TMEM132D: variants seen among roughly 807,000 people sequenced by gnomAD.
The protein encoded by TMEM132D is transmembrane protein 132D.
In TMEM132D, 21 loss-of-function variants were observed where a neutral mutation model predicts 62.3. That is an observed-to-expected ratio of 0.34 (90% CI 0.24 to 0.49). The LOEUF is 0.49. Ranked by LOEUF, TMEM132D falls within the 20% of genes least tolerant of loss-of-function variation. The probability of loss-of-function intolerance (pLI) is 0.99; values close to 1 mark genes in which losing one functional copy is unlikely to be tolerated. For synonymous variants in TMEM132D, 621 were observed against 575.6 expected, an observed-to-expected ratio of 1.08 and a Z score of -1.13; for missense variants, 1,346 against 1,402.8, an observed-to-expected ratio of 0.96 and a Z score of 0.65.
At chr12:129,324,689 A>C (rs1475692341) in intron 4 of TMEM132D, among the ~76,000 whole-genome samples, 2 of 152,082 alleles carry the variant, frequency 1.3e-5, no homozygotes, top group Admixed American at 1.3e-4. Context: ...AATTAGCCAG[A>C]CATAGTGGCG....
At chr12:129,501,758 G>A (rs933305175) in intron 3 of TMEM132D, among the ~76,000 whole-genome samples, 6 of 151,956 alleles carry the variant, frequency 3.9e-5, no homozygotes, top group Non-Finnish European at 8.8e-5. Flanking sequence ...CGCTCACCTC[G>A]GCCTCCTAAA....
At chr12:129,121,695 T>A (rs1876069547) in intron 5 of TMEM132D, among the ~76,000 whole-genome samples, 1 of 151,974 alleles carries the variant, frequency 6.6e-6, no homozygotes, top group African/African-American at 2.4e-5. Flanking sequence ...ACCAATACAG[T>A]ACTACACTAC....
chr12:129,881,567 T>C (rs1874596479), intron 1 of TMEM132D, among the ~76,000 whole-genome samples: 1 of 151,882 alleles, frequency 6.6e-6, no homozygotes, highest in Non-Finnish European at 1.5e-5. Context: ...CCCCCAAACA[T>C]CTGAAAATTT....
At chr12:129,555,676 C>T (rs1217727771) in intron 2 of TMEM132D, among the ~76,000 whole-genome samples, 1 of 152,088 alleles carries the variant, frequency 6.6e-6, no homozygotes, top group Non-Finnish European at 1.5e-5. Flanking sequence ...TTTTAAAGTT[C>T]TTAATGGGAC....
chr12:129,314,005 C>T (rs1307403616), intron 4 of TMEM132D, among the ~76,000 whole-genome samples: 3 of 152,136 alleles, frequency 2.0e-5, no homozygotes, highest in Admixed American at 6.5e-5. Context: ...ATTTGTATAT[C>T]TTCTTTTGAG....
intron 1 of TMEM132D, among the ~76,000 whole-genome samples, chr12:129,849,837 CAAT>C (rs997293359): frequency 6.6e-6 from 1 of 152,148 alleles, no homozygotes; most frequent in African/African-American, 2.4e-5. Context: ...TCAGATTAAA[CAAT>C]AATAAATACC....
intron 5 of TMEM132D, among the ~76,000 whole-genome samples, chr12:129,103,389 G>GC (rs1308320388): frequency 2.0e-5 from 3 of 152,200 alleles, no homozygotes; most frequent in African/African-American, 7.2e-5. Flanking sequence ...GCCAGCCCAT[G>GC]CCCCCACCTC....
chr12:129,350,853 CT>C (rs560247574), intron 3 of TMEM132D, among the ~76,000 whole-genome samples: 68 of 152,278 alleles, frequency 4.5e-4, no homozygotes, highest in African/African-American at 1.6e-3. Context: ...AAGAAGGCAC[CT>C]TTTTAACCTA....
intron 3 of TMEM132D, among the ~76,000 whole-genome samples, chr12:129,382,968 CTGTT>C (rs1255254292): frequency 6.6e-6 from 1 of 152,160 alleles, no homozygotes; most frequent in Non-Finnish European, 1.5e-5. Context: ...ATAACCCACT[CTGTT>C]TGTGGAAAAA....
chr12:129,418,054 T>G (rs1261520939), intron 3 of TMEM132D, among the ~76,000 whole-genome samples: 1 of 152,194 alleles, frequency 6.6e-6, no homozygotes, highest in Non-Finnish European at 1.5e-5. Flanking sequence ...AAACAACAGA[T>G]GCTGGAGAGG....
At chr12:129,556,661 C>T (rs996071095) in intron 2 of TMEM132D, among the ~76,000 whole-genome samples, 2 of 152,176 alleles carry the variant, frequency 1.3e-5, no homozygotes, top group African/African-American at 4.8e-5. Flanking sequence ...ACCTTATTTG[C>T]ATACATCTGG....
At chr12:129,648,267 TCCA>T (rs1372261502) in intron 2 of TMEM132D, among the ~76,000 whole-genome samples, 1 of 152,096 alleles carries the variant, frequency 6.6e-6, no homozygotes, top group Non-Finnish European at 1.5e-5. Flanking sequence ...TCCTGTGACC[TCCA>T]CCCAGGAGCT....
At chr12:129,520,341 C>A (rs1875813643) in intron 3 of TMEM132D, among the ~76,000 whole-genome samples, 1 of 152,140 alleles carries the variant, frequency 6.6e-6, no homozygotes, top group African/African-American at 2.4e-5. Flanking sequence ...TAAGACCTCC[C>A]AACTATCTGT....
intron 3 of TMEM132D, among the ~76,000 whole-genome samples, chr12:129,361,477 A>G (rs796328627): frequency 2.0e-5 from 3 of 152,314 alleles, no homozygotes; most frequent in African/African-American, 7.2e-5. Flanking sequence ...GGGCAAATGG[A>G]GAAACTGCAG....
At chr12:129,155,913 C>T (rs571083729) in intron 5 of TMEM132D, among the ~76,000 whole-genome samples, 1 of 152,130 alleles carries the variant, frequency 6.6e-6, no homozygotes, top group Non-Finnish European at 1.5e-5. Context: ...AGATAACTGA[C>T]ATACTCCCAA....
chr12:129,891,777 T>C (rs1476815951), intron 1 of TMEM132D, among the ~76,000 whole-genome samples: 1 of 152,208 alleles, frequency 6.6e-6, no homozygotes, highest in Admixed American at 6.5e-5. Flanking sequence ...TTTATACTCA[T>C]AATACATTTT....
chr12:129,366,202 T>C (rs1474318716), intron 3 of TMEM132D, among the ~76,000 whole-genome samples: 2 of 152,232 alleles, frequency 1.3e-5, no homozygotes, highest in African/African-American at 4.8e-5. Flanking sequence ...CCCTGTGTTA[T>C]TGTTTGGTCT....
chr12:129,618,872 T>C (rs1478246026), intron 2 of TMEM132D, among the ~76,000 whole-genome samples: 5 of 152,178 alleles, frequency 3.3e-5, no homozygotes, highest in African/African-American at 9.7e-5. Context: ...CATCAATCTC[T>C]ACATGTAAGA....
At chr12:129,271,202 A>AAATAAG (rs1156629336) in intron 4 of TMEM132D, among the ~76,000 whole-genome samples, 1 of 149,264 alleles carries the variant, frequency 6.7e-6, no homozygotes, top group Non-Finnish European at 1.5e-5. Context: ...TTAGGAAAAA[A>AAATAAG]AATAAGACAC....
Sources: gnomAD v4.1 joint callset for allele counts (sites outside exome capture counted in the v4.1 genomes callset) on GRCh38, gnomAD v4.1.1 for gene constraint, MANE v1.5 for transcripts, NCBI Gene and HGNC (gene_info 2026-07-23, HGNC 2026-07-21) for gene names.